DLGAP1: variants seen among roughly 807,000 people sequenced by gnomAD.
The protein encoded by DLGAP1 is disks large-associated protein 1.
Under a neutral mutation model 90.8 loss-of-function variants are expected in DLGAP1, and 11 were observed. The ratio of observed to expected loss-of-function variants is 0.12; its 90% CI spans 0.08 to 0.20. DLGAP1 has a LOEUF of 0.20. DLGAP1 is among the 10% of genes least tolerant of loss of function. The pLI is 1.00. For missense variants in DLGAP1, 1,050 were observed against 1,333.8 expected (o/e 0.79, Z 3.31); for synonymous variants, 558 against 540.7 (o/e 1.03, Z -0.44).
In DLGAP1 at chr18:3,943,014, A is replaced by C. The variant is rs1044990204; in HGVS notation, c.-73+62102T>G. Among the ~76,000 whole-genome samples the C allele has an allele frequency of 2.6e-5, 4 of 152,146 alleles. No individual in the cohort carries two copies. The East Asian group carries it at 7.7e-4, about 29-fold the overall frequency. ...GCAATCTCTTGATGCAGCTATTAAA[A>C]ATAAATAGGTAGTTTCATCTTCAGC... On this transcript the variant is annotated intron_variant, in intron 3 of 12. Coordinates refer to ENST00000315677, the MANE Select transcript of DLGAP1 (RefSeq NM_004746.4).
chr18:3,812,709 C>A (rs1231331652), intron 5 of DLGAP1, among the ~76,000 whole-genome samples: 1 of 152,150 alleles, frequency 6.6e-6, no homozygotes, highest in Non-Finnish European at 1.5e-5. Flanking sequence ...AAAAATAATT[C>A]ATGGGAGGCC....
chr18:3,641,131 T>A (rs919054065), intron 7 of DLGAP1, among the ~76,000 whole-genome samples: 2 of 152,072 alleles, frequency 1.3e-5, no homozygotes, highest in African/African-American at 4.8e-5. Context: ...TATGTAATAC[T>A]ATATGTGTGT....
intron 2 of DLGAP1, among the ~76,000 whole-genome samples, chr18:4,049,374 A>G (rs766760790): frequency 2.0e-5 from 3 of 152,104 alleles, no homozygotes; most frequent in Admixed American, 6.5e-5. Flanking sequence ...TAGCTGAGCC[A>G]GTCCTGTCTG....
intron 1 of DLGAP1, among the ~76,000 whole-genome samples, chr18:4,269,423 A>G (rs551519674): frequency 2.5e-3 from 367 of 147,654 alleles, no homozygotes; most frequent in Middle Eastern, 0.015. Flanking sequence ...GCGCGATCTC[A>G]GCTCACTGCA....
At chr18:3,764,760 A>C (rs1035479879) in intron 5 of DLGAP1, among the ~76,000 whole-genome samples, 7 of 152,236 alleles carry the variant, frequency 4.6e-5, no homozygotes, top group Admixed American at 4.6e-4. Flanking sequence ...CTAAAATATC[A>C]CCAATAGTAA....
At chr18:3,578,648 C>A (rs1463869248) in intron 8 of DLGAP1, among the ~76,000 whole-genome samples, 1 of 117,426 alleles carries the variant, frequency 8.5e-6, no homozygotes, top group African/African-American at 3.6e-5. Context: ...AGCCACCGCA[C>A]CCGGCCATTT....
intron 7 of DLGAP1, chr18:3,597,050 G>T (rs755613262): frequency 1.9e-6 from 1 of 519,866 alleles, no homozygotes; most frequent in Non-Finnish European, 3.8e-6. Flanking sequence ...CTTTTCCTGT[G>T]CAGCTGTTTT....
intron 7 of DLGAP1, among the ~76,000 whole-genome samples, chr18:3,585,000 A>G (rs1445469875): frequency 1.3e-5 from 2 of 152,114 alleles, no homozygotes; most frequent in African/African-American, 2.4e-5. Flanking sequence ...CGATCCTCCC[A>G]TCTTGGCCTC....
intron 2 of DLGAP1, among the ~76,000 whole-genome samples, chr18:4,076,169 G>C (rs941573831): frequency 1.3e-5 from 2 of 152,078 alleles, no homozygotes; most frequent in African/African-American, 4.8e-5. Context: ...CCAATGTGCT[G>C]TTTTTCTTTT....
intron 3 of DLGAP1, among the ~76,000 whole-genome samples, chr18:3,915,295 T>A (rs1302569411): frequency 6.6e-6 from 1 of 152,200 alleles, no homozygotes; most frequent in Non-Finnish European, 1.5e-5. Flanking sequence ...TAAGCTCAGC[T>A]GTGACAATTA....
At chr18:3,529,116 G>A (rs1466460887) in intron 10 of DLGAP1, among the ~76,000 whole-genome samples, 1 of 152,160 alleles carries the variant, frequency 6.6e-6, no homozygotes, top group East Asian at 1.9e-4. Flanking sequence ...GAATGTCTGT[G>A]CTCCTCTAAA....
rs1555621484 is a variant in DLGAP1, at chr18:4,454,406, T to TTCTCTCTCTCTCTCTC, written c.-267+584_-267+599dup. On this transcript the variant is annotated intron_variant, in intron 1 of 12. Coordinates refer to ENST00000315677, the MANE Select transcript of DLGAP1 (RefSeq NM_004746.4). The surrounding 1 kb of genome is among the most constrained non-coding windows in gnomAD (Gnocchi z 4.7). ...CAGTGACCTCCTCCTTGGACCCCAT[T>TTCTCTCTCTCTCTCTC]TCTCTCTCTCTCTCTCTCTCTGTGC... 6.6e-5 allele frequency among the ~76,000 whole-genome samples: 10 copies of TTCTCTCTCTCTCTCTC among 150,654 alleles called. No homozygotes were observed. The East Asian group carries it at 1.4e-3, about 21-fold the overall frequency.
At chr18:4,316,582 G>GCA (rs768902447) in intron 1 of DLGAP1, among the ~76,000 whole-genome samples, 1 of 152,182 alleles carries the variant, frequency 6.6e-6, no homozygotes, top group Non-Finnish European at 1.5e-5. Flanking sequence ...GGCACCCCAA[G>GCA]CACAGAAGAC....
chr18:4,317,844 C>A (rs1185790741), intron 1 of DLGAP1, among the ~76,000 whole-genome samples: 1 of 152,156 alleles, frequency 6.6e-6, no homozygotes, highest in Non-Finnish European at 1.5e-5. Context: ...AAAAGCTTTC[C>A]TTTTCTTTCT....
intron 7 of DLGAP1, among the ~76,000 whole-genome samples, chr18:3,725,935 C>A (rs955528865): frequency 1.3e-5 from 2 of 151,870 alleles, no homozygotes; most frequent in Non-Finnish European, 2.9e-5. Flanking sequence ...TTTATGAATA[C>A]GAATAAAGAA....
chr18:4,186,515 C>G (rs184943857), intron 1 of DLGAP1, among the ~76,000 whole-genome samples: 1 of 152,132 alleles, frequency 6.6e-6, no homozygotes, highest in Non-Finnish European at 1.5e-5. Flanking sequence ...TATCCCAACG[C>G]CATTTGTTAA....
intron 7 of DLGAP1, among the ~76,000 whole-genome samples, chr18:3,715,921 A>G (rs2061744561): frequency 6.6e-6 from 1 of 152,232 alleles, no homozygotes; most frequent in Non-Finnish European, 1.5e-5. Flanking sequence ...AAGAGGGGGA[A>G]AAAAGCCCTA....
At chr18:3,510,696 G>A (rs921192236) in intron 10 of DLGAP1, among the ~76,000 whole-genome samples, 8 of 152,218 alleles carry the variant, frequency 5.3e-5, no homozygotes, top group East Asian at 1.9e-4. Context: ...TCTCCACTTT[G>A]ATGGCTGGGT....
At position 4,037,296 on chromosome 18, in the gene DLGAP1, A is replaced by G. The variant is rs535212625; in HGVS notation, c.-158-32095T>C. Among the ~76,000 whole-genome samples the G allele has an allele frequency of 5.2e-4, 79 of 152,310 alleles. 1 individual carries two copies. Among genetic ancestry groups the G allele is most frequent in the Non-Finnish European group, 9.6e-4 (65 of 68,026 alleles). On this transcript the variant is annotated intron_variant, in intron 2 of 12. Transcript: ENST00000315677. ...TATTAATATGGATAGATGGATATGG[A>G]GTCTATACTAAGAAAAATGGCCAGT...
Sources: allele counts gnomAD v4.1 joint callset (sites outside exome capture counted in the v4.1 genomes callset), GRCh38; gene constraint gnomAD v4.1.1; non-coding constraint Gnocchi (gnomAD v3.1); transcripts MANE v1.5; gene names NCBI Gene and HGNC (gene_info 2026-07-23, HGNC 2026-07-21).